The following SEC24D variants were observed in gnomAD, a reference collection of about 807,000 sequenced individuals.
The protein encoded by SEC24D is SEC24 homolog D, COPII component.
SEC24D carries 69 observed loss-of-function variants against 116.9 expected under a neutral mutation model. The observed-to-expected ratio is 0.59, with a 90% CI of 0.49 to 0.72. The LOEUF (loss-of-function observed/expected upper bound fraction) is 0.72. Among genes scored for constraint, SEC24D ranks in the 30% least tolerant of loss-of-function variants. The pLI is 0.00. For synonymous variants in SEC24D, 405 were observed against 442.8 expected, an observed-to-expected ratio of 0.91 and a Z score of 1.07; for missense variants, 1,131 against 1,264.1, an observed-to-expected ratio of 0.89 and a Z score of 1.60.
At position 118,773,065 on chromosome 4, in the gene SEC24D, C is replaced by T. The variant is rs950661504; in HGVS notation, c.1042-4754G>A. On this transcript the variant is annotated intron_variant, in intron 8 of 22. Coordinates refer to ENST00000280551, the MANE Select transcript of SEC24D (RefSeq NM_014822.4). ...AAACTCTTCAACCACCTACTTTCCC[C>T]TCTCTTTCTAACACTTATTCACTAA... Among the ~76,000 whole-genome samples, 5 of 152,216 alleles carry T rather than the reference C, an allele frequency of 3.3e-5. No individual in the cohort carries two copies. The East Asian group carries it at 9.7e-4, about 29-fold the overall frequency.
intron 3 of SEC24D, among the ~76,000 whole-genome samples, chr4:118,821,620 T>C (rs550638398): frequency 5.9e-5 from 9 of 152,366 alleles, no homozygotes; most frequent in Admixed American, 3.3e-4. Context: ...TTGTTTTTAT[T>C]TGATAATTTA....
intron 6 of SEC24D, among the ~76,000 whole-genome samples, chr4:118,810,487 G>C (rs1229016125): frequency 6.6e-6 from 1 of 152,174 alleles, no homozygotes; most frequent in Non-Finnish European, 1.5e-5. Context: ...AATTGGATCT[G>C]GATTTCAGGG....
intron 3 of SEC24D, among the ~76,000 whole-genome samples, chr4:118,823,440 C>T (rs1730478680): frequency 6.6e-6 from 1 of 152,172 alleles, no homozygotes; most frequent in Non-Finnish European, 1.5e-5. Flanking sequence ...GACTAAAAGG[C>T]TTCACCATTA....
chr4:118,828,176 T>A (rs1478152834), intron 2 of SEC24D, among the ~76,000 whole-genome samples: 2 of 151,806 alleles, frequency 1.3e-5, no homozygotes, highest in African/African-American at 4.8e-5. Flanking sequence ...TGGTGCAATC[T>A]CAGCTCACTG....
intron 14 of SEC24D, 76 bp downstream of exon 14, chr4:118,744,868 C>T (rs1339296788): frequency 5.1e-6 from 4 of 782,200 alleles, no homozygotes; most frequent in Middle Eastern, 2.7e-4. Context: ...CCCCTTTTTT[C>T]TTACATGAAG....
chr4:118,781,316 G>A (rs893968282), intron 8 of SEC24D, among the ~76,000 whole-genome samples: 7 of 152,240 alleles, frequency 4.6e-5, no homozygotes, highest in African/African-American at 1.4e-4. Context: ...TTGCTTGTCT[G>A]TAAAGTATTT....
chr4:118,760,163 G>T (rs1727300745), intron 10 of SEC24D, among the ~76,000 whole-genome samples: 1 of 151,994 alleles, frequency 6.6e-6, no homozygotes, highest in South Asian at 2.1e-4. Flanking sequence ...ATTTTTAATT[G>T]TGGCGAAGAA....
intron 10 of SEC24D, among the ~76,000 whole-genome samples, chr4:118,764,249 T>C (rs548192638): frequency 6.6e-6 from 1 of 152,254 alleles, no homozygotes; most frequent in South Asian, 2.1e-4. Flanking sequence ...TAGAGGTTTA[T>C]GAGAGGCAGT....
chr4:118,752,976 T>C (rs1217638709), intron 11 of SEC24D, 88 bp from the exon 12 acceptor site: 2 of 921,108 alleles, frequency 2.2e-6, no homozygotes, highest in African/African-American at 3.5e-5. Context: ...GTGTGTCTTC[T>C]ATAAAATACA....
rs752489572 is a variant in SEC24D, at chr4:118,738,281, T to C, written c.2476A>G (p.Ser826Gly). ...CTCACCTGGCTTGCTGCAGAAGGAC[T>C]TGCACAATTCTTCCGGTAACATGCC... ...MLACYRKNCA[S>G]PSAASQLILP... Residue 826 changes from serine to glycine, a missense_variant, in exon 19 of 23, where the codon AGT (serine) becomes GGT (glycine). Transcript: ENST00000280551. 9.3e-6 allele frequency: 15 copies of C among 1,612,898 alleles called. No individual in the cohort carries two copies. The highest frequency in any genetic ancestry group is 1.3e-5 in the African/African-American group (1 of 74,886).
At chr4:118,791,805 C>T (rs1248287090) in intron 8 of SEC24D, among the ~76,000 whole-genome samples, 2 of 152,210 alleles carry the variant, frequency 1.3e-5, no homozygotes, top group Non-Finnish European at 1.5e-5. Flanking sequence ...GGATTGCAGA[C>T]GGAGTCTCGC....
At chr4:118,814,956 A>C in intron 6 of SEC24D, 72 bp downstream of exon 6, 2 of 1,521,234 alleles carry the variant, frequency 1.3e-6, no homozygotes, top group South Asian at 1.2e-5. Flanking sequence ...AAATGCTAAC[A>C]AACTGATGAG....
chr4:118,750,033 T>A (rs17323877), intron 13 of SEC24D, among the ~76,000 whole-genome samples: 1 of 152,190 alleles, frequency 6.6e-6, no homozygotes, highest in East Asian at 1.9e-4. Context: ...TTCTCATTTT[T>A]AAATGTCAAG....
chr4:118,732,986 C>A, intron 19 of SEC24D, 74 bp from the exon 20 acceptor site: 1 of 1,280,402 alleles, frequency 7.8e-7, no homozygotes, highest in Non-Finnish European at 1.1e-6. Context: ...ATCTGTAAGA[C>A]TGAAACATTA....
chr4:118,818,827 T>C (rs1018561632), intron 3 of SEC24D, among the ~76,000 whole-genome samples: 1 of 152,094 alleles, frequency 6.6e-6, no homozygotes, highest in Non-Finnish European at 1.5e-5. Context: ...AGCTATCCTA[T>C]AGCAGAAAAT....
At chr4:118,776,610 A>G (rs1260488999) in intron 8 of SEC24D, among the ~76,000 whole-genome samples, 1 of 152,216 alleles carries the variant, frequency 6.6e-6, no homozygotes, top group Admixed American at 6.5e-5. Flanking sequence ...GCATATTTGC[A>G]AAGATCAGCA....
intron 10 of SEC24D, 73 bp downstream of exon 10, chr4:118,764,729 T>A: frequency 1.1e-6 from 1 of 882,470 alleles, no homozygotes; most frequent in Non-Finnish European, 1.8e-6. Flanking sequence ...AAGAGTCAGT[T>A]CTTTACATAT....
intron 8 of SEC24D, among the ~76,000 whole-genome samples, chr4:118,797,362 G>C (rs1729224095): frequency 6.6e-6 from 1 of 152,032 alleles, no homozygotes; most frequent in Non-Finnish European, 1.5e-5. Flanking sequence ...ACAATGTAAG[G>C]GCTCTAAACT....
intron 6 of SEC24D, among the ~76,000 whole-genome samples, chr4:118,808,709 T>C (rs1729776878): frequency 6.6e-6 from 1 of 152,214 alleles, no homozygotes; most frequent in African/African-American, 2.4e-5. Context: ...CCTTGATAAT[T>C]CCAAAACTAC....
Sources: gnomAD v4.1 joint callset for allele counts (sites outside exome capture counted in the v4.1 genomes callset) on GRCh38, gnomAD v4.1.1 for gene constraint, MANE v1.5 for transcripts, NCBI Gene and HGNC (gene_info 2026-07-23, HGNC 2026-07-21) for gene names.